The following MANBA variants were observed in gnomAD, a reference collection of about 807,000 sequenced individuals.
MANBA encodes the protein mannosidase beta, also known as beta-mannosidase.
In MANBA, 83 loss-of-function variants were observed where a neutral mutation model predicts 111.1. The observed-to-expected ratio is 0.75, with a 90% CI of 0.63 to 0.90. The LOEUF (loss-of-function observed/expected upper bound fraction) is 0.90. MANBA is among the 40% of genes least tolerant of loss of function. MANBA has a pLI of 0.00. For synonymous variants in MANBA, 370 were observed against 378.7 expected, an observed-to-expected ratio of 0.98 and a Z score of 0.27; for missense variants, 1,036 against 1,069.0, an observed-to-expected ratio of 0.97 and a Z score of 0.43.
chr4:102,640,578 T>C (rs1729837274), intron 13 of MANBA, among the ~76,000 whole-genome samples: 1 of 152,110 alleles, frequency 6.6e-6, no homozygotes, highest in Non-Finnish European at 1.5e-5. Context: ...AATCACATGC[T>C]CTTAGCCTGG....
rs370703649 is a variant in MANBA, at chr4:102,723,057, C to A, written c.379-16G>T. Reference sequence around the variant, plus strand: ...TATCAAAGCTCTAAGTTAAAGGGAACAATCAGACAAACCCATGATGTGGAA... The same window carrying A: ...TATCAAAGCTCTAAGTTAAAGGGAAAAATCAGACAAACCCATGATGTGGAA... On this transcript the variant is annotated splice_polypyrimidine_tract_variant and intron_variant, in intron 3 of 16. Coordinates refer to ENST00000647097, the MANE Select transcript of MANBA (RefSeq NM_005908.4). 7 of 1,609,822 alleles carry A rather than the reference C, an allele frequency of 4.3e-6. No individual in the cohort carries two copies. The African/African-American group carries it at 5.3e-5, about 12-fold the overall frequency.
chr4:102,730,053 AG>A, intron 1 of MANBA: 1 of 809,170 alleles, frequency 1.2e-6, no homozygotes. Flanking sequence ...GCTGCCCACT[AG>A]GGAGAAGCCT....
At chr4:102,754,076 A>C (rs1280553211) in intron 1 of MANBA, 2 of 273,848 alleles carry the variant, frequency 7.3e-6, no homozygotes, top group African/African-American at 4.7e-5. Flanking sequence ...AGAAATGCCC[A>C]TGTCACCAAT....
chr4:102,670,960 G>A (rs574377705), intron 9 of MANBA: 19 of 163,440 alleles, frequency 1.2e-4, no homozygotes, highest in South Asian at 5.2e-4. Context: ...TTTAGGTTTC[G>A]TCAGATCTCC....
intron 1 of MANBA, chr4:102,734,315 G>C: frequency 1.9e-6 from 3 of 1,574,330 alleles, no homozygotes; most frequent in South Asian, 2.3e-5. Context: ...GCTCTGAAGA[G>C]TGGTGAGTCA....
chr4:102,680,184 A>G (rs72940757), intron 7 of MANBA, among the ~76,000 whole-genome samples: 8,027 of 152,140 alleles, frequency 0.053, 634 homozygotes, highest in African/African-American at 0.18. Flanking sequence ...ATTTCCTTAT[A>G]TTTTGTTGTT....
chr4:102,698,804 T>G (rs1299085623), intron 5 of MANBA, among the ~76,000 whole-genome samples: 1 of 150,836 alleles, frequency 6.6e-6, no homozygotes, highest in Non-Finnish European at 1.5e-5. Context: ...GCCTCCAGCT[T>G]TGTTCTTTTG....
chr4:102,677,635 T>C (rs546940231), intron 7 of MANBA, among the ~76,000 whole-genome samples: 4 of 152,316 alleles, frequency 2.6e-5, no homozygotes, highest in African/African-American at 9.6e-5. Context: ...CCACAATTTA[T>C]CTGAAAAGAC....
chr4:102,701,809 A>T (rs1733062840), intron 5 of MANBA, among the ~76,000 whole-genome samples: 1 of 151,098 alleles, frequency 6.6e-6, no homozygotes, highest in East Asian at 1.9e-4. Flanking sequence ...CCTTCATTTC[A>T]ACTTTGGTGA....
intron 1 of MANBA, chr4:102,752,702 G>A (rs540657179): frequency 2.2e-5 from 10 of 454,352 alleles, no homozygotes; most frequent in African/African-American, 2.0e-4. Context: ...AGAAAATCAT[G>A]AAATTATACT....
intron 1 of MANBA, among the ~76,000 whole-genome samples, chr4:102,746,611 C>T (rs1424981109): frequency 6.6e-6 from 1 of 152,194 alleles, no homozygotes; most frequent in Non-Finnish European, 1.5e-5. Flanking sequence ...GTATCAGATG[C>T]ATTTATTTTG....
rs374442197 is a variant in MANBA, at chr4:102,706,117, C to T, written c.673+8321G>A. 5.3e-5 allele frequency among the ~76,000 whole-genome samples: 8 copies of T among 152,298 alleles called. No homozygotes were observed. The South Asian group carries it at 1.7e-3, about 32-fold the overall frequency. ...GTCTACCACTGCCACTGCCAGCACC[C>T]AAGCAGGCCAGTCACCTGGAGGCCC... On this transcript the variant is annotated intron_variant, in intron 5 of 16. Transcript: ENST00000647097.
intron 14 of MANBA, 151 bp from the exon 15 acceptor site, chr4:102,636,158 C>A: frequency 2.8e-6 from 2 of 707,432 alleles, no homozygotes; most frequent in Non-Finnish European, 5.0e-6. Context: ...GTTTGTGAAG[C>A]GCTCTGAGCA....
At position 102,723,025 on chromosome 4, in the gene MANBA, T is replaced by G. The variant is rs139801266; in HGVS notation, c.395A>C (p.Asn132Thr). Residue 132 changes from asparagine (N) to threonine (T), a missense_variant, in exon 4 of 17, where the codon AAC (asparagine) becomes ACC (threonine). Coordinates refer to ENST00000647097, the MANE Select transcript of MANBA (RefSeq NM_005908.4). ...AATGGAGTTCACGTCCCTGACCACGTTGGTAATATCAAAGCTCTAAGTTAA... is the reference window on the plus strand; with the variant it reads ...AATGGAGTTCACGTCCCTGACCACGGTGGTAATATCAAAGCTCTAAGTTAA... ...MFNRYSFDITNVVRDVNSIEL... is the reference protein window; with the variant it reads ...MFNRYSFDITTVVRDVNSIEL... 5.0e-6 allele frequency: 8 copies of G among 1,613,958 alleles called. No individual in the cohort carries two copies. In the South Asian group the frequency reaches 8.8e-5, roughly 18 times the overall value.
chr4:102,718,640 T>C (rs1199367905), intron 4 of MANBA, among the ~76,000 whole-genome samples: 2 of 152,196 alleles, frequency 1.3e-5, no homozygotes, highest in Non-Finnish European at 2.9e-5. Context: ...GGGACTTAGG[T>C]TGCTACAGGG....
chr4:102,729,462 G>T, intron 1 of MANBA: 3 of 1,287,740 alleles, frequency 2.3e-6, no homozygotes, highest in Non-Finnish European at 3.3e-6. Flanking sequence ...CCGAGATCTG[G>T]GACTGCAGCT....
intron 13 of MANBA, among the ~76,000 whole-genome samples, chr4:102,649,669 T>G (rs938519410): frequency 1.3e-5 from 2 of 152,192 alleles, no homozygotes; most frequent in African/African-American, 2.4e-5. Flanking sequence ...TTAAAACTAT[T>G]GGTCCCCAAT....
At chr4:102,643,775 A>G (rs572826058) in intron 13 of MANBA, among the ~76,000 whole-genome samples, 2 of 152,148 alleles carry the variant, frequency 1.3e-5, no homozygotes, top group African/African-American at 2.4e-5. Flanking sequence ...AGTTCTTTAT[A>G]TATTCTGGAT....
intron 7 of MANBA, among the ~76,000 whole-genome samples, chr4:102,684,033 T>C (rs1732098314): frequency 6.6e-6 from 1 of 152,076 alleles, no homozygotes; most frequent in Non-Finnish European, 1.5e-5. Flanking sequence ...CTGTATGGGC[T>C]GCATTCAAAA....
Sources: gnomAD v4.1 joint callset for allele counts (sites outside exome capture counted in the v4.1 genomes callset) on GRCh38, gnomAD v4.1.1 for gene constraint, MANE v1.5 for transcripts, NCBI Gene and HGNC (gene_info 2026-07-23, HGNC 2026-07-21) for gene names.